Variants in OGA observed in about 807,000 individuals in gnomAD.
OGA encodes protein O-GlcNAcase.
A neutral mutation model predicts 102.0 loss-of-function variants in OGA; 21 were observed. That is an observed-to-expected ratio of 0.21 (90% confidence interval 0.15 to 0.30). The LOEUF is 0.30. Ranked by LOEUF, OGA falls within the 10% of genes least tolerant of loss-of-function variation. The probability of loss-of-function intolerance (pLI) is 1.00; values close to 1 mark genes in which losing one functional copy is unlikely to be tolerated. For missense variants in OGA, 765 were observed against 1,107.8 expected (o/e 0.69, Z 4.39); for synonymous variants, 408 against 378.2 (o/e 1.08, Z -0.91).
intron 6 of OGA, among the ~76,000 whole-genome samples, chr10:101,805,655 C>CA (rs976862193): frequency 0.29 from 23,554 of 80,436 alleles, 2,722 homozygotes; most frequent in East Asian, 0.55. Context: ...TGCTCTGTCT[C>CA]AAAAAAAAAA....
chr10:101,792,057 G>A (rs1035900803), intron 12 of OGA, among the ~76,000 whole-genome samples: 15 of 143,890 alleles, frequency 1.0e-4, no homozygotes, highest in African/African-American at 2.1e-4. Flanking sequence ...TCGCTCTGTC[G>A]CCCCAGGCTG....
chr10:101,806,178 T>A, intron 5 of OGA, 35 bp from the exon 6 acceptor site: 1 of 1,290,848 alleles, frequency 7.7e-7, no homozygotes, highest in Non-Finnish European at 1.1e-6. Flanking sequence ...AAGTCAGAAT[T>A]AAAATGCTCA....
chr10:101,810,113 T>G (rs1283235656), intron 4 of OGA, 71 bp downstream of exon 4: 1 of 1,366,342 alleles, frequency 7.3e-7, no homozygotes, highest in Non-Finnish European at 1.0e-6. Flanking sequence ...TTTAACATCG[T>G]AAAAGCAACT....
chr10:101,785,164 C>T lies in OGA; in HGVS notation c.*1287G>A, dbSNP rs1341091098. On this transcript the variant is annotated 3_prime_UTR_variant, in exon 16 of 16. Transcript: ENST00000361464. ...TGTTATCAATCTATGGAGAAATCAG[C>T]CAGCCATGATGAAAAAATGAGTCCT... 1.3e-5 allele frequency: 2 copies of T among 152,172 alleles called. No homozygotes were observed. Among genetic ancestry groups the T allele is most frequent in the African/African-American group, 4.8e-5 (2 of 41,436 alleles). The allele number at this position is 152,172 out of a possible 1,614,324, so 9.4% of individuals were successfully genotyped here. A position where few individuals can be genotyped will look rare whatever the true frequency, so the allele number is the denominator to read the frequency against.
chr10:101,817,319 CG>C (rs1453744843), intron 1 of OGA, among the ~76,000 whole-genome samples: 1 of 151,824 alleles, frequency 6.6e-6, no homozygotes, highest in Non-Finnish European at 1.5e-5. Flanking sequence ...TGAATCTTTG[CG>C]GGGGTGGGGG....
At chr10:101,799,524 T>C in intron 8 of OGA, 69 bp from the exon 9 acceptor site, 1 of 1,429,422 alleles carries the variant, frequency 7.0e-7, no homozygotes, top group East Asian at 2.3e-5. Context: ...TAGAACACAT[T>C]AGATTCAGAA....
intron 7 of OGA, among the ~76,000 whole-genome samples, chr10:101,803,281 C>A (rs1162178949): frequency 2.0e-5 from 3 of 151,576 alleles, no homozygotes; most frequent in Non-Finnish European, 4.4e-5. Context: ...CCGAATGATT[C>A]TAGAGATAAT....
At chr10:101,793,683 T>A in intron 11 of OGA, 1 of 429,744 alleles carries the variant, frequency 2.3e-6, no homozygotes, top group South Asian at 2.5e-5. Flanking sequence ...GTGAAGTGTA[T>A]ACCTAGAGCC....
chr10:101,807,289 A>G (rs1214039705), intron 5 of OGA, among the ~76,000 whole-genome samples: 1 of 152,228 alleles, frequency 6.6e-6, no homozygotes, highest in African/African-American at 2.4e-5. Context: ...GGAAAACGGG[A>G]AAAACTGTTA....
chr10:101,798,727 C>G, intron 9 of OGA, 115 bp downstream of exon 9: 1 of 1,336,104 alleles, frequency 7.5e-7, no homozygotes, highest in Non-Finnish European at 1.0e-6. Context: ...AGAACATATT[C>G]TAAAACATGG....
intron 1 of OGA, among the ~76,000 whole-genome samples, chr10:101,815,664 A>G (rs1009701332): frequency 4.0e-5 from 6 of 151,738 alleles, no homozygotes; most frequent in Non-Finnish European, 8.8e-5. Flanking sequence ...TTTTTTTTTT[A>G]AGGAGTAGGC....
At chr10:101,797,855 C>T (rs912905754) in intron 10 of OGA, 125 bp downstream of exon 10, 6 of 911,120 alleles carry the variant, frequency 6.6e-6, no homozygotes, top group African/African-American at 1.7e-5. Flanking sequence ...TTGAAAGAAA[C>T]CTAGGCAACG....
rs201974754 is a variant in OGA at position 101,787,321 on chromosome 10, C to A, written c.2614+43G>T. Reference sequence around the variant, plus strand: ...TATCCAAAAATATATAGTTCTTTCCCTATCTTGCCCAAATACCACCAACTC... The same window carrying A: ...TATCCAAAAATATATAGTTCTTTCCATATCTTGCCCAAATACCACCAACTC... On this transcript the variant is annotated intron_variant, in intron 15 of 15. Transcript: ENST00000361464. 3.3e-6 allele frequency: 5 copies of A among 1,520,588 alleles called. No homozygotes were observed. The East Asian group carries it at 1.1e-4, about 35-fold the overall frequency. The allele number at this position is 1,520,588 out of a possible 1,614,324, so 94.2% of individuals were successfully genotyped here. A position where few individuals can be genotyped will look rare whatever the true frequency, so the allele number is the denominator to read the frequency against.
At chr10:101,787,777 T>C in intron 14 of OGA, 2 of 386,948 alleles carry the variant, frequency 5.2e-6, no homozygotes, top group Non-Finnish European at 9.6e-6. Context: ...TCTCTCTCTC[T>C]CTCTTTCCCT....
intron 14 of OGA, 138 bp downstream of exon 14, chr10:101,790,758 G>A (rs1589823716): frequency 8.3e-6 from 5 of 602,856 alleles, no homozygotes; most frequent in Non-Finnish European, 1.3e-5. Flanking sequence ...CTTTCTGCAA[G>A]AAAATTAATT....
At chr10:101,815,906 T>C (rs1448305746) in intron 1 of OGA, among the ~76,000 whole-genome samples, 2 of 140,948 alleles carry the variant, frequency 1.4e-5, no homozygotes, top group Admixed American at 1.5e-4. Flanking sequence ...GTAACTATAG[T>C]ATTTCTATGC....
intron 1 of OGA, among the ~76,000 whole-genome samples, chr10:101,815,989 A>AAAAAAAC (rs2065618933): frequency 6.7e-6 from 1 of 150,106 alleles, no homozygotes; most frequent in African/African-American, 2.4e-5. Context: ...AAAAAAAAAA[A>AAAAAAAC]AGCCAGGCGC....
intron 11 of OGA, among the ~76,000 whole-genome samples, chr10:101,793,405 G>C (rs999740740): frequency 2.0e-5 from 3 of 152,190 alleles, no homozygotes; most frequent in Non-Finnish European, 2.9e-5. Flanking sequence ...GCACCTGTTG[G>C]GGGGAGAAAA....
intron 4 of OGA, among the ~76,000 whole-genome samples, chr10:101,808,692 G>A (rs940124445): frequency 9.9e-5 from 15 of 152,078 alleles, no homozygotes; most frequent in African/African-American, 3.1e-4. Context: ...AAATGGGGCC[G>A]GGCGCAGTGG....
Sources: allele counts gnomAD v4.1 joint callset (sites outside exome capture counted in the v4.1 genomes callset), GRCh38; gene constraint gnomAD v4.1.1; transcripts MANE v1.5; gene names NCBI Gene and HGNC (gene_info 2026-07-23, HGNC 2026-07-21).